Variants in PLAC1 observed in about 807,000 individuals in gnomAD.
The protein encoded by PLAC1 is placenta associated 1.
For missense variants in PLAC1, 136 were observed against 163.2 expected (o/e 0.83, Z 0.91); for synonymous variants, 68 against 62.1 (o/e 1.09, Z -0.44).
chrX:134,602,787 C>G (rs1474067432), intron 1 of PLAC1, among the ~76,000 whole-genome samples: 1 of 109,632 alleles, frequency 9.1e-6, no homozygotes, highest in East Asian at 2.9e-4. Context: ...CAAAACAGAT[C>G]AGTGTAGGGG....
At chrX:134,723,067 T>A (rs2078663175) in intron 2 of PLAC1, among the ~76,000 whole-genome samples, 1 of 111,156 alleles carries the variant, frequency 9.0e-6, no homozygotes, top group Non-Finnish European at 1.9e-5. Flanking sequence ...AAAGTCCCAT[T>A]CATTTCATTA....
chrX:134,636,973 C>G (rs1413973578), intron 1 of PLAC1, among the ~76,000 whole-genome samples: 1 of 112,557 alleles, frequency 8.9e-6, no homozygotes, highest in African/African-American at 3.2e-5. Flanking sequence ...CTCCATCCAT[C>G]TCAGTCCTCC....
chrX:134,698,889 G>GTATT (rs2078573619), intron 2 of PLAC1, among the ~76,000 whole-genome samples: 1 of 110,816 alleles, frequency 9.0e-6, no homozygotes, highest in Non-Finnish European at 1.9e-5. Flanking sequence ...TCCCATGCTG[G>GTATT]TCTTCCATAA....
At chrX:134,603,269 TTA>T in intron 1 of PLAC1, among the ~76,000 whole-genome samples, 17 of 6,917 alleles carry the variant, frequency 2.5e-3, no homozygotes, top group East Asian at 7.0e-3. Flanking sequence ...TCTCTGTATT[TTA>T]TATATATATA....
intron 1 of PLAC1, among the ~76,000 whole-genome samples, chrX:134,633,224 G>A (rs2078269936): frequency 9.0e-6 from 1 of 111,609 alleles, no homozygotes; most frequent in African/African-American, 3.3e-5. Flanking sequence ...TTTCACTGTG[G>A]TACTAATAGG....
intron 1 of PLAC1, among the ~76,000 whole-genome samples, chrX:134,649,747 C>T (rs1174054562): frequency 8.9e-6 from 1 of 112,281 alleles, no homozygotes; most frequent in Non-Finnish European, 1.9e-5. Context: ...TGTTAAATAA[C>T]ATGGCAGATA....
At chrX:134,710,978 G>T (rs776539476) in intron 2 of PLAC1, among the ~76,000 whole-genome samples, 92 of 112,045 alleles carry the variant, frequency 8.2e-4, no homozygotes, top group African/African-American at 3.0e-3. Flanking sequence ...GGAAACCACT[G>T]TACTAAGATA....
chrX:134,613,378 T>C (rs2078163530), intron 1 of PLAC1, among the ~76,000 whole-genome samples: 1 of 110,715 alleles, frequency 9.0e-6, no homozygotes, highest in Non-Finnish European at 1.9e-5. Context: ...AGTAGAACTA[T>C]GGGCAGAGGC....
intron 1 of PLAC1, among the ~76,000 whole-genome samples, chrX:134,753,058 A>C (rs1308842260): frequency 9.0e-5 from 10 of 111,430 alleles, no homozygotes; most frequent in African/African-American, 3.3e-4. Context: ...TGCTCTCTTT[A>C]AAAAAAGAAA....
At chrX:134,717,966 T>A (rs763863010) in intron 2 of PLAC1, among the ~76,000 whole-genome samples, 188 of 112,265 alleles carry the variant, frequency 1.7e-3, no homozygotes, top group African/African-American at 5.6e-3. Flanking sequence ...TGGCCCTACC[T>A]AAATGTGTGA....
intron 2 of PLAC1, among the ~76,000 whole-genome samples, chrX:134,692,497 T>G (rs1428277585): frequency 1.8e-5 from 2 of 111,881 alleles, no homozygotes; most frequent in Non-Finnish European, 3.8e-5. Context: ...GGCAGATTCC[T>G]GGTTAACAAA....
At chrX:134,653,686 T>A (rs1309035496) in intron 1 of PLAC1, among the ~76,000 whole-genome samples, 1 of 111,381 alleles carries the variant, frequency 9.0e-6, no homozygotes, top group Non-Finnish European at 1.9e-5. Context: ...TGTCTCAGGA[T>A]TGTTCTTAAA....
At chrX:134,633,698 C>T (rs769327557) in intron 1 of PLAC1, among the ~76,000 whole-genome samples, 114 of 111,850 alleles carry the variant, frequency 1.0e-3, no homozygotes, top group African/African-American at 3.6e-3. Flanking sequence ...GATTATTCCA[C>T]AAATTTAGTT....
chrX:134,713,691 A>G (rs1238686817), intron 2 of PLAC1, among the ~76,000 whole-genome samples: 1 of 111,956 alleles, frequency 8.9e-6, no homozygotes, highest in Non-Finnish European at 1.9e-5. Context: ...ATCACAGCCT[A>G]AGCCATTTTG....
chrX:134,623,031 C>A (rs1161793962), intron 1 of PLAC1, among the ~76,000 whole-genome samples: 1 of 112,388 alleles, frequency 8.9e-6, no homozygotes. Context: ...AGGGAACATT[C>A]TTTTCTAAAG....
intron 2 of PLAC1, among the ~76,000 whole-genome samples, chrX:134,577,278 G>A (rs1158508098): frequency 8.9e-6 from 1 of 112,088 alleles, no homozygotes; most frequent in Non-Finnish European, 1.9e-5. Context: ...AATGGATGGA[G>A]AAACCTAGAG....
At chrX:134,711,204 T>C (rs1183487606) in intron 2 of PLAC1, among the ~76,000 whole-genome samples, 1 of 111,941 alleles carries the variant, frequency 8.9e-6, no homozygotes, top group Non-Finnish European at 1.9e-5. Flanking sequence ...TAGTCTTCCC[T>C]TAGGTTGGAC....
chrX:134,748,959 G>T (rs975742151), intron 1 of PLAC1, among the ~76,000 whole-genome samples: 1 of 112,037 alleles, frequency 8.9e-6, no homozygotes, highest in African/African-American at 3.2e-5. Flanking sequence ...TCTAATCAGG[G>T]TTACTCACTG....
rs749540713 is a variant in PLAC1 at position 134,720,725 on chromosome X, A to G, written n.174+12710T>C. ...TTCTAGAGCACAGTGTCATAATCATAGCTTAATGCAGCCTTGACCTCCCGG... is the reference window on the plus strand; with the variant it reads ...TTCTAGAGCACAGTGTCATAATCATGGCTTAATGCAGCCTTGACCTCCCGG... On this transcript the variant is annotated intron_variant and non_coding_transcript_variant, in intron 2 of 2. Coordinates refer to the PLAC1 transcript ENST00000466797. Among the ~76,000 whole-genome samples, 12 of 112,893 alleles carry G rather than the reference A, an allele frequency of 1.1e-4. No homozygotes were observed. The East Asian group carries it at 3.0e-3, about 29-fold the overall frequency.
Sources: allele counts gnomAD v4.1 joint callset (sites outside exome capture counted in the v4.1 genomes callset), GRCh38; gene constraint gnomAD v4.1.1; transcripts MANE v1.5; gene names NCBI Gene and HGNC (gene_info 2026-07-23, HGNC 2026-07-21).